MYO3B: variants seen among roughly 807,000 people sequenced by gnomAD.
The protein encoded by MYO3B is myosin IIIB.
In MYO3B, 156 loss-of-function variants were observed where a neutral mutation model predicts 174.6. That is an observed-to-expected ratio of 0.89 (90% CI 0.78 to 1.02). The LOEUF is 1.02. Ranked by LOEUF, MYO3B falls within the 50% of genes least tolerant of loss-of-function variation. The pLI is 0.00. For synonymous variants in MYO3B, 563 were observed against 569.1 expected (o/e 0.99, Z 0.15); for missense variants, 1,632 against 1,639.4 (o/e 1.00, Z 0.08).
chr2:170,583,784 C>T (rs1187719486), intron 32 of MYO3B, among the ~76,000 whole-genome samples: 1 of 152,124 alleles, frequency 6.6e-6, no homozygotes, highest in Non-Finnish European at 1.5e-5. Context: ...AGAAGTTTAG[C>T]TCCTTGCCCA....
intron 25 of MYO3B, among the ~76,000 whole-genome samples, chr2:170,497,207 C>T (rs559349348): frequency 1.3e-5 from 2 of 152,330 alleles, no homozygotes; most frequent in South Asian, 4.1e-4. Context: ...AGAGAAGAAT[C>T]TGAACAAACA....
At chr2:170,314,658 C>A (rs1256294229) in intron 7 of MYO3B, among the ~76,000 whole-genome samples, 2 of 152,096 alleles carry the variant, frequency 1.3e-5, no homozygotes, top group East Asian at 3.8e-4. Flanking sequence ...AATGAATGAT[C>A]AAATAAAGAA....
intron 16 of MYO3B, among the ~76,000 whole-genome samples, chr2:170,399,784 G>T (rs2094463510): frequency 6.6e-6 from 1 of 152,200 alleles, no homozygotes; most frequent in South Asian, 2.1e-4. Context: ...AAAGAACAAA[G>T]AAGATTAGTT....
Position 170,369,368 on chromosome 2 carries a change from C to G in MYO3B, c.962C>G (p.Ala321Gly), listed in dbSNP as rs2094222970. The change falls in exon 9 of 35, where the codon GCT (alanine) becomes GGT (glycine). Residue 321 changes from alanine (A) to glycine (G), a missense_variant. Physicochemically the swap from Ala to Gly is moderately conservative, Grantham distance 60. Transcript: ENST00000408978. Reference sequence around the variant, plus strand: ...GACCAGAAGCATCAAAATCCTGTTGCTAAAACCAGGTACTGTACTCTCTTT... The same window carrying G: ...GACCAGAAGCATCAAAATCCTGTTGGTAAAACCAGGTACTGTACTCTCTTT... ...LQDQKHQNPV[A>G]KTRHERMHTR... 1.1e-5 allele frequency: 17 copies of G among 1,613,288 alleles called. No homozygotes were observed. Among genetic ancestry groups the G allele is most frequent in the Non-Finnish European group, 1.4e-5 (17 of 1,179,456 alleles).
rs183263899 is a variant in MYO3B, at chr2:170,521,773, A to G, written c.3575+2233A>G. On this transcript the variant is annotated intron_variant, in intron 30 of 34. Transcript: ENST00000408978. ...GTCCTTCCTTCTTTTTGCTTTTACC[A>G]CCAGACTTCCTCCAACTGCTGTCCA... Among the ~76,000 whole-genome samples, 53 of 152,004 alleles carry G rather than the reference A, an allele frequency of 3.5e-4. 1 individual carries two copies. The highest frequency in any genetic ancestry group is 1.2e-3 in the African/African-American group (51 of 41,468).
intron 32 of MYO3B, among the ~76,000 whole-genome samples, chr2:170,618,239 G>T (rs897269867): frequency 1.3e-5 from 2 of 152,174 alleles, no homozygotes; most frequent in African/African-American, 4.8e-5. Context: ...CTCGATAGGA[G>T]CATCCATCCA....
chr2:170,220,628 CAAAAAAA>C (rs71006077), intron 6 of MYO3B, among the ~76,000 whole-genome samples: 12 of 85,918 alleles, frequency 1.4e-4, no homozygotes, highest in Admixed American at 4.3e-4. Context: ...GATTCCGTCT[CAAAAAAA>C]AAAAAAAAAA....
At chr2:170,562,998 TTGAC>T (rs560649239) in intron 32 of MYO3B, among the ~76,000 whole-genome samples, 3 of 150,252 alleles carry the variant, frequency 2.0e-5, no homozygotes, top group Non-Finnish European at 3.0e-5. Flanking sequence ...TAAACAGAAA[TTGAC>T]TGAACACTAC....
intron 7 of MYO3B, among the ~76,000 whole-genome samples, chr2:170,240,605 T>G (rs1479154575): frequency 1.3e-5 from 2 of 152,204 alleles, no homozygotes; most frequent in Admixed American, 1.3e-4. Context: ...GTTGATGAAT[T>G]ACATATGTTG....
chr2:170,600,493 C>G (rs1220724689), intron 32 of MYO3B, among the ~76,000 whole-genome samples: 1 of 152,074 alleles, frequency 6.6e-6, no homozygotes, highest in Non-Finnish European at 1.5e-5. Context: ...CTCTGATCTA[C>G]TTGGATTTAT....
chr2:170,395,641 G>T (rs771697865), intron 16 of MYO3B, among the ~76,000 whole-genome samples: 1 of 152,156 alleles, frequency 6.6e-6, no homozygotes, highest in Non-Finnish European at 1.5e-5. Context: ...GACAAAAGTT[G>T]TGAGCCTCTG....
intron 22 of MYO3B, among the ~76,000 whole-genome samples, chr2:170,441,467 T>C (rs1284039803): frequency 1.3e-5 from 2 of 152,196 alleles, no homozygotes; most frequent in Non-Finnish European, 2.9e-5. Context: ...AAGAAATAAT[T>C]TGGGATGAGT....
intron 7 of MYO3B, among the ~76,000 whole-genome samples, chr2:170,308,072 G>T (rs1559375888): frequency 6.6e-6 from 1 of 152,166 alleles, no homozygotes; most frequent in Non-Finnish European, 1.5e-5. Context: ...CTGGCTCATA[G>T]TAAATACTCA....
At chr2:170,306,438 C>T (rs905822484) in intron 7 of MYO3B, among the ~76,000 whole-genome samples, 3 of 152,094 alleles carry the variant, frequency 2.0e-5, no homozygotes, top group Admixed American at 6.5e-5. Flanking sequence ...TCAGACCATG[C>T]GATGACTTTA....
chr2:170,272,179 A>G (rs948637144), intron 7 of MYO3B, among the ~76,000 whole-genome samples: 3 of 151,930 alleles, frequency 2.0e-5, no homozygotes, highest in Admixed American at 2.0e-4. Context: ...ACTTGGGAAC[A>G]TGTTAGAAAT....
chr2:170,466,815 T>G, intron 25 of MYO3B, 104 bp downstream of exon 25: 1 of 1,187,098 alleles, frequency 8.4e-7, no homozygotes, highest in South Asian at 1.5e-5. Context: ...TCCAAACATG[T>G]AATTGGCTAG....
intron 32 of MYO3B, among the ~76,000 whole-genome samples, chr2:170,636,714 C>T (rs1408243491): frequency 6.6e-6 from 1 of 152,058 alleles, no homozygotes; most frequent in Non-Finnish European, 1.5e-5. Context: ...GTGAAGAGCT[C>T]ATGTTAATAT....
chr2:170,476,321 C>A lies in MYO3B; in HGVS notation c.3014+9610C>A, dbSNP rs534649126. ...TCCGCAGATGGCTTAAGTGTTAAAC[C>A]AGCTCAGTGGACCCTCTGCCTTTTC... On this transcript the variant is annotated intron_variant, in intron 25 of 34. Transcript: ENST00000408978. Among the ~76,000 whole-genome samples, 989 of 152,114 alleles carry A rather than the reference C, an allele frequency of 6.5e-3. 14 individuals carry two copies. The highest frequency in any genetic ancestry group is 0.023 in the African/African-American group (937 of 41,468).
rs751445737 is a variant in MYO3B, at chr2:170,418,071, C to T, written c.2650+10227C>T. Among the ~76,000 whole-genome samples the T allele has an allele frequency of 3.3e-5, 5 of 152,248 alleles. No individual in the cohort carries two copies. The South Asian group carries it at 6.2e-4, about 19-fold the overall frequency. On this transcript the variant is annotated intron_variant, in intron 22 of 34. Coordinates refer to ENST00000408978, the MANE Select transcript of MYO3B (RefSeq NM_138995.5). ...GACCAGATTCCTGAGTTTAAATCAC[C>T]CAGTCCAGTGGGTGTGCAGGAGGCT...
Sources: gnomAD v4.1 joint callset for allele counts (sites outside exome capture counted in the v4.1 genomes callset) on GRCh38, gnomAD v4.1.1 for gene constraint, MANE v1.5 for transcripts, NCBI Gene and HGNC (gene_info 2026-07-23, HGNC 2026-07-21) for gene names.